The following ZCWPW2 variants were observed in gnomAD, a reference collection of about 807,000 sequenced individuals.
ZCWPW2 encodes zinc finger CW-type PWWP domain protein 2.
ZCWPW2 carries 45 observed loss-of-function variants against 46.6 expected under a neutral mutation model. The ratio of observed to expected loss-of-function variants is 0.96; its 90% CI spans 0.76 to 1.24. ZCWPW2 has a LOEUF of 1.24. Ranked by LOEUF, ZCWPW2 falls within the 50% of genes most tolerant of loss-of-function variation. ZCWPW2 has a pLI of 0.00. For synonymous variants in ZCWPW2, 152 were observed against 137.1 expected (o/e 1.11, Z -0.76); for missense variants, 429 against 403.9 (o/e 1.06, Z -0.53).
At chr3:28,428,816 CTT>C (rs767988731) in intron 3 of ZCWPW2, among the ~76,000 whole-genome samples, 5 of 152,180 alleles carry the variant, frequency 3.3e-5, no homozygotes, top group Non-Finnish European at 7.4e-5. Context: ...ACTATTCTCA[CTT>C]CTCTCTCCTG....
chr3:28,492,164 C>A lies in ZCWPW2; in HGVS notation c.648C>A (p.Val216=). ...CACATGACAAAGTTGCTGCACTGGT[C>A]AAGAAAAGGGTAAGATTGTGTTTTA... ...SETHDKVAAL[V]KKRKQTSKNN... is the part of the protein sequence containing the mutation. The change falls in exon 6 of 10, where the codon GTC becomes GTA. Residue 216 remains valine (V), a synonymous_variant. Transcript: ENST00000383768. 3 of 1,605,116 alleles carry A rather than the reference C, an allele frequency of 1.9e-6. No individual in the cohort carries two copies. In the Admixed American group the frequency reaches 5.1e-5, roughly 27 times the overall value.
At chr3:28,508,720 G>A (rs944389339) in intron 6 of ZCWPW2, among the ~76,000 whole-genome samples, 13 of 151,998 alleles carry the variant, frequency 8.6e-5, no homozygotes, top group Non-Finnish European at 1.9e-4. Flanking sequence ...TAGAGACGGG[G>A]TTTCACCTTG....
At chr3:28,479,704 T>C (rs140309181) in intron 5 of ZCWPW2, among the ~76,000 whole-genome samples, 237 of 152,276 alleles carry the variant, frequency 1.6e-3, no homozygotes, top group Middle Eastern at 3.4e-3. Flanking sequence ...AACCCCAATG[T>C]GTGTTGTTCT....
intron 3 of ZCWPW2, among the ~76,000 whole-genome samples, chr3:28,423,430 G>A (rs113198636): frequency 2.9e-4 from 42 of 145,556 alleles, no homozygotes; most frequent in African/African-American, 9.2e-4. Flanking sequence ...GCAGTGGTGC[G>A]ATCTAGGCTC....
rs754651189 is a variant in ZCWPW2 at position 28,413,299 on chromosome 3, C to T, written c.231C>T (p.Asp77=). 1.9e-6 allele frequency: 3 copies of T among 1,613,240 alleles called. No homozygotes were observed. Among genetic ancestry groups the T allele is most frequent in the Admixed American group, 1.7e-5 (1 of 59,858 alleles). ...RYNNCSISEE[D]FPEESQLHQC... is the part of the protein sequence containing the mutation. ...ATAACTGCTCAATTTCTGAAGAAGA[C>T]TTCCCTGAAGAGTCTCAGCTTCATC... Residue 77 remains aspartate (D), a synonymous_variant, in exon 3 of 10, where the codon GAC becomes GAT. Coordinates refer to ENST00000383768, the MANE Select transcript of ZCWPW2 (RefSeq NM_001040432.4).
chr3:28,350,108 T>A (rs775948108), intron 1 of ZCWPW2, among the ~76,000 whole-genome samples: 2 of 152,220 alleles, frequency 1.3e-5, no homozygotes, highest in Non-Finnish European at 2.9e-5. Flanking sequence ...GTGTTTTTAA[T>A]ATTTTGAGCA....
chr3:28,510,747 A>G (rs970255118), intron 6 of ZCWPW2, among the ~76,000 whole-genome samples: 1 of 152,144 alleles, frequency 6.6e-6, no homozygotes, highest in East Asian at 1.9e-4. Flanking sequence ...GAGATGCCCC[A>G]CCAAACCAAG....
chr3:28,507,904 G>A (rs11717248), intron 6 of ZCWPW2, among the ~76,000 whole-genome samples: 61,138 of 151,824 alleles, frequency 0.4, 12,622 homozygotes, highest in East Asian at 0.62. Context: ...AGCATTTTCT[G>A]TTTGTAATTC....
At chr3:28,384,574 G>A (rs1575073198) in intron 1 of ZCWPW2, among the ~76,000 whole-genome samples, 1 of 150,054 alleles carries the variant, frequency 6.7e-6, no homozygotes, top group African/African-American at 2.4e-5. Context: ...TTACACAGAA[G>A]ATTTAATCTT....
chr3:28,463,319 A>C (rs1698710327), intron 4 of ZCWPW2, among the ~76,000 whole-genome samples: 1 of 152,256 alleles, frequency 6.6e-6, no homozygotes, highest in Non-Finnish European at 1.5e-5. Flanking sequence ...GAATGTGATG[A>C]TCATGATACC....
intron 4 of ZCWPW2, among the ~76,000 whole-genome samples, chr3:28,456,783 G>A (rs1055897808): frequency 3.9e-5 from 6 of 152,128 alleles, no homozygotes; most frequent in African/African-American, 1.4e-4. Context: ...TTATTGATTT[G>A]CATATGTTGA....
In ZCWPW2 at chr3:28,348,935, G is replaced by A. The variant is rs534312753; in HGVS notation, c.-402G>A. On this transcript the variant is annotated 5_prime_UTR_variant, in exon 1 of 10. Transcript: ENST00000383768. ...CGGGACCAGCACGGGCCGGAGGGAG[G>A]GGAAGCACTCCGGAAAGTGATTGGA... 1.1e-5 allele frequency: 11 copies of A among 984,410 alleles called. No individual in the cohort carries two copies. In the East Asian group the frequency reaches 1.1e-3, roughly 102 times the overall value. 61.0% of individuals were successfully genotyped at this position (984,410 alleles called of 1,614,324 possible).
intron 4 of ZCWPW2, chr3:28,448,131 C>T: frequency 5.2e-6 from 1 of 190,670 alleles, no homozygotes; most frequent in South Asian, 1.4e-4. Context: ...AAAAAAAGAT[C>T]AAAATTGGAC....
intron 2 of ZCWPW2, among the ~76,000 whole-genome samples, chr3:28,393,575 A>G (rs1365353100): frequency 1.3e-5 from 2 of 152,146 alleles, no homozygotes; most frequent in African/African-American, 2.4e-5. Context: ...ACAGCACATT[A>G]AAAGGATCAT....
At chr3:28,495,792 TGTCTTAGGG>T (rs1278813917) in intron 6 of ZCWPW2, among the ~76,000 whole-genome samples, 1 of 152,076 alleles carries the variant, frequency 6.6e-6, no homozygotes, top group Non-Finnish European at 1.5e-5. Context: ...TGAGAGATAC[TGTCTTAGGG>T]GACATTTAAG....
At chr3:28,424,236 C>G (rs974859604) in intron 3 of ZCWPW2, among the ~76,000 whole-genome samples, 1 of 148,620 alleles carries the variant, frequency 6.7e-6, no homozygotes, top group Non-Finnish European at 1.5e-5. Flanking sequence ...CCAACACACA[C>G]ACACACACAC....
chr3:28,503,471 A>G (rs1700202445), intron 6 of ZCWPW2, among the ~76,000 whole-genome samples: 1 of 152,134 alleles, frequency 6.6e-6, no homozygotes, highest in Non-Finnish European at 1.5e-5. Flanking sequence ...TTTCTTGCTC[A>G]CCATCATCAT....
chr3:28,407,109 G>A (rs1441552002), intron 2 of ZCWPW2, among the ~76,000 whole-genome samples: 1 of 152,144 alleles, frequency 6.6e-6, no homozygotes, highest in Admixed American at 6.5e-5. Context: ...TTACAGGCAT[G>A]AGCCATTGCA....
In ZCWPW2 at chr3:28,478,926, T is replaced by A. The variant is rs1563656; in HGVS notation, c.605T>A (p.Leu202Gln). The A allele has an allele frequency of 0.42, 649,247 of 1,552,002 alleles. 138,160 individuals are homozygous for A. The highest frequency in any genetic ancestry group is 0.59 in the East Asian group (25,140 of 42,640). The change falls in exon 5 of 10, where the codon CTA (leucine) becomes CAA (glutamine). Residue 202 changes from leucine to glutamine, a missense_variant. Transcript: ENST00000383768. ...QRLEMCCLSK[L>Q]QDKSETHDKV... ...CTGGAAATGTGCTGCCTATCAAAAC[T>A]ACAAGGTGTATAAATATTTTTTCTT... is the stretch of plus-strand genomic sequence containing the variant.
Sources: gnomAD v4.1 joint callset for allele counts (sites outside exome capture counted in the v4.1 genomes callset) on GRCh38, gnomAD v4.1.1 for gene constraint, MANE v1.5 for transcripts, NCBI Gene and HGNC (gene_info 2026-07-23, HGNC 2026-07-21) for gene names.